Variants in DTD1 observed in about 807,000 individuals in gnomAD.
DTD1 encodes the protein D-aminoacyl-tRNA deacylase 1.
A neutral mutation model predicts 25.6 loss-of-function variants in DTD1; 13 were observed. The observed-to-expected ratio is 0.51, with a 90% confidence interval of 0.33 to 0.81. The LOEUF is 0.81. Ranked by LOEUF, DTD1 falls within the 30% of genes least tolerant of loss-of-function variation. DTD1 has a pLI of 0.02. For synonymous variants in DTD1, 110 were observed against 103.6 expected, an observed-to-expected ratio of 1.06 and a Z score of -0.37; for missense variants, 193 against 266.4, an observed-to-expected ratio of 0.72 and a Z score of 1.92.
intron 4 of DTD1, among the ~76,000 whole-genome samples, chr20:18,662,147 A>G (rs1008151829): frequency 6.6e-6 from 1 of 152,084 alleles, no homozygotes; most frequent in African/African-American, 2.4e-5. Flanking sequence ...GCGAGACCCC[A>G]TTTCTTAAAA....
At chr20:18,721,252 T>A (rs1326836517) in intron 4 of DTD1, among the ~76,000 whole-genome samples, 1 of 152,200 alleles carries the variant, frequency 6.6e-6, no homozygotes, top group Admixed American at 6.5e-5. Flanking sequence ...GAGCACGTTT[T>A]TTTTCTGTCC....
At chr20:18,683,871 C>T (rs891529861) in intron 4 of DTD1, among the ~76,000 whole-genome samples, 4 of 152,316 alleles carry the variant, frequency 2.6e-5, no homozygotes, top group Non-Finnish European at 5.9e-5. Flanking sequence ...TCCCTTTCTG[C>T]CTGCAGCCTT....
rs2022754807 is a variant in DTD1, at chr20:18,765,716, A to G, written c.*2376A>G. 1 of 152,226 alleles carries G rather than the reference A, an allele frequency of 6.6e-6. No homozygotes were observed. Among genetic ancestry groups the G allele is most frequent in the African/African-American group, 2.4e-5 (1 of 41,456 alleles). 9.4% of individuals were successfully genotyped at this position (152,226 alleles called of 1,614,324 possible). On this transcript the variant is annotated 3_prime_UTR_variant, in exon 6 of 6. Transcript: ENST00000377452. ...AAGGTCCTTTCCTAGTTGCTTTGAAACTAATGGCTAAAATTAGATTTTGGG... is the reference window on the plus strand; with the variant it reads ...AAGGTCCTTTCCTAGTTGCTTTGAAGCTAATGGCTAAAATTAGATTTTGGG...
intron 4 of DTD1, among the ~76,000 whole-genome samples, chr20:18,671,859 G>A (rs957592045): frequency 6.6e-6 from 1 of 152,188 alleles, no homozygotes; most frequent in Non-Finnish European, 1.5e-5. Flanking sequence ...GGGCCAGTGT[G>A]CAGAAACTTC....
chr20:18,636,547 C>T (rs1237850498), intron 4 of DTD1, among the ~76,000 whole-genome samples: 2 of 152,148 alleles, frequency 1.3e-5, no homozygotes, highest in Non-Finnish European at 2.9e-5. Context: ...GCCAGCTTGC[C>T]GCAGTATAGG....
chr20:18,727,250 A>T (rs765215688), intron 4 of DTD1, among the ~76,000 whole-genome samples: 2 of 152,150 alleles, frequency 1.3e-5, no homozygotes, highest in Admixed American at 6.5e-5. Flanking sequence ...TTTAGTGGGA[A>T]CCTGGAGGGC....
At chr20:18,696,151 A>G (rs1280330732) in intron 4 of DTD1, among the ~76,000 whole-genome samples, 1 of 152,160 alleles carries the variant, frequency 6.6e-6, no homozygotes, top group Non-Finnish European at 1.5e-5. Context: ...TTCTGTAAAG[A>G]GCACATCTCT....
At chr20:18,656,633 T>C (rs1353738398) in intron 4 of DTD1, among the ~76,000 whole-genome samples, 1 of 152,184 alleles carries the variant, frequency 6.6e-6, no homozygotes, top group Non-Finnish European at 1.5e-5. Flanking sequence ...TCAGAGTAGG[T>C]GCCATTGTAG....
chr20:18,654,650 G>A (rs1039809137), intron 4 of DTD1, among the ~76,000 whole-genome samples: 2 of 152,182 alleles, frequency 1.3e-5, no homozygotes, highest in African/African-American at 4.8e-5. Context: ...CCATTGTTCA[G>A]TGCTTACCCA....
chr20:18,703,442 C>T (rs1423635127), intron 4 of DTD1, among the ~76,000 whole-genome samples: 1 of 152,012 alleles, frequency 6.6e-6, no homozygotes, highest in Non-Finnish European at 1.5e-5. Context: ...AAGCTCTCTT[C>T]TTCTATTATT....
At chr20:18,745,964 A>C (rs1181720413) in intron 5 of DTD1, among the ~76,000 whole-genome samples, 1 of 152,220 alleles carries the variant, frequency 6.6e-6, no homozygotes, top group African/African-American at 2.4e-5. Context: ...AGTCCAGAGA[A>C]AAAATTATAG....
rs149705799 is a variant in DTD1 at position 18,588,505 on chromosome 20, C to T, written c.43+390C>T. ...GAGCATTTCCGGAGCAGGCACTCCTCCCTTTTCACTGCTGTATTTTAAATG... is the reference window on the plus strand; with the variant it reads ...GAGCATTTCCGGAGCAGGCACTCCTTCCTTTTCACTGCTGTATTTTAAATG... On this transcript the variant is annotated intron_variant, in intron 1 of 5. Coordinates refer to ENST00000377452, the MANE Select transcript of DTD1 (RefSeq NM_080820.6). 5.6e-3 allele frequency among the ~76,000 whole-genome samples: 858 copies of T among 152,354 alleles called. 11 individuals carry two copies. Among genetic ancestry groups the T allele is most frequent in the African/African-American group, 0.019 (775 of 41,588 alleles).
chr20:18,664,756 G>C (rs1335891033), intron 4 of DTD1, among the ~76,000 whole-genome samples: 1 of 152,222 alleles, frequency 6.6e-6, no homozygotes, highest in Admixed American at 6.5e-5. Flanking sequence ...TCTGGCAGAA[G>C]TGTGGGGTGT....
At chr20:18,694,427 C>G (rs1244544889) in intron 4 of DTD1, among the ~76,000 whole-genome samples, 1 of 152,146 alleles carries the variant, frequency 6.6e-6, no homozygotes, top group Non-Finnish European at 1.5e-5. Flanking sequence ...ATCTTCTTAC[C>G]CTGGTTAGTG....
At chr20:18,711,809 G>A (rs1300964691) in intron 4 of DTD1, among the ~76,000 whole-genome samples, 1 of 151,992 alleles carries the variant, frequency 6.6e-6, no homozygotes, top group East Asian at 1.9e-4. Flanking sequence ...ACTCTGGGAG[G>A]TGAGCAGGAG....
intron 4 of DTD1, among the ~76,000 whole-genome samples, chr20:18,701,057 A>G (rs2061102700): frequency 6.6e-6 from 1 of 152,240 alleles, no homozygotes; most frequent in Admixed American, 6.5e-5. Context: ...TTACAAAATG[A>G]CAGGGTGCTG....
At chr20:18,724,831 G>A (rs1223757899) in intron 4 of DTD1, among the ~76,000 whole-genome samples, 1 of 152,242 alleles carries the variant, frequency 6.6e-6, no homozygotes, top group Non-Finnish European at 1.5e-5. Context: ...AGATTTCCAA[G>A]AGAGGAAATC....
intron 4 of DTD1, among the ~76,000 whole-genome samples, chr20:18,708,232 T>TA (rs2122471814): frequency 4.5e-5 from 1 of 22,338 alleles, no homozygotes; most frequent in East Asian, 1.4e-3. Flanking sequence ...TATATATATT[T>TA]TATATATATA....
At chr20:18,708,562 G>A (rs2061145543) in intron 4 of DTD1, among the ~76,000 whole-genome samples, 1 of 150,316 alleles carries the variant, frequency 6.7e-6, no homozygotes, top group South Asian at 2.1e-4. Context: ...CACCGTGTTG[G>A]CCAGGCTGGT....
Sources: allele counts gnomAD v4.1 joint callset (sites outside exome capture counted in the v4.1 genomes callset), GRCh38; gene constraint gnomAD v4.1.1; transcripts MANE v1.5; gene names NCBI Gene and HGNC (gene_info 2026-07-23, HGNC 2026-07-21).